CNBD1: variants seen among roughly 807,000 people sequenced by gnomAD.
The protein encoded by CNBD1 is cyclic nucleotide-binding domain-containing protein 1.
A neutral mutation model predicts 54.4 loss-of-function variants in CNBD1; 71 were observed. The observed-to-expected ratio is 1.30, with a 90% CI of 1.08 to 1.59. The LOEUF (loss-of-function observed/expected upper bound fraction) is 1.59. Ranked by LOEUF, CNBD1 falls within the 40% of genes most tolerant of loss-of-function variation. The pLI is 0.00. For missense variants in CNBD1, 659 were observed against 518.0 expected, an observed-to-expected ratio of 1.27 and a Z score of -2.64; for synonymous variants, 182 against 170.7, an observed-to-expected ratio of 1.07 and a Z score of -0.51.
chr8:87,358,016 T>C (rs960203370), intron 10 of CNBD1, among the ~76,000 whole-genome samples: 2 of 152,142 alleles, frequency 1.3e-5, no homozygotes, highest in African/African-American at 4.8e-5. Flanking sequence ...TCTTGCTCCC[T>C]CTCTCTCCAT....
intron 8 of CNBD1, among the ~76,000 whole-genome samples, chr8:87,323,745 C>G (rs1256865538): frequency 1.5e-5 from 2 of 129,964 alleles, no homozygotes; most frequent in African/African-American, 5.7e-5. Context: ...ATGTCATCTG[C>G]AAACAGGGAC....
At chr8:87,368,877 C>G (rs140881230) in intron 10 of CNBD1, among the ~76,000 whole-genome samples, 1 of 151,988 alleles carries the variant, frequency 6.6e-6, no homozygotes, top group East Asian at 2.0e-4. Flanking sequence ...ATGTGGCCAA[C>G]TGAAAATGCC....
At chr8:87,161,192 G>C (rs1004002003) in intron 4 of CNBD1, among the ~76,000 whole-genome samples, 6 of 152,048 alleles carry the variant, frequency 3.9e-5, no homozygotes, top group African/African-American at 9.7e-5. Flanking sequence ...GAGAATGACA[G>C]GTTACCTTCA....
At chr8:87,306,959 A>C (rs978109473) in intron 8 of CNBD1, among the ~76,000 whole-genome samples, 3 of 152,204 alleles carry the variant, frequency 2.0e-5, no homozygotes, top group Non-Finnish European at 4.4e-5. Flanking sequence ...ACAGAAAAAA[A>C]TGTACTCAAT....
At chr8:86,940,463 G>A (rs535594995) in intron 4 of CNBD1, among the ~76,000 whole-genome samples, 1 of 152,186 alleles carries the variant, frequency 6.6e-6, no homozygotes, top group East Asian at 1.9e-4. Context: ...TCCGCACCCG[G>A]CCCCATTCCT....
At chr8:87,258,192 A>G (rs1308854987) in intron 6 of CNBD1, among the ~76,000 whole-genome samples, 1 of 152,166 alleles carries the variant, frequency 6.6e-6, no homozygotes, top group African/African-American at 2.4e-5. Context: ...TGGGAGGCCT[A>G]TTAAATATGT....
intron 4 of CNBD1, among the ~76,000 whole-genome samples, chr8:87,204,242 C>T (rs913800900): frequency 6.6e-6 from 1 of 152,140 alleles, no homozygotes; most frequent in Non-Finnish European, 1.5e-5. Flanking sequence ...TTCTATGAGG[C>T]AGCAGCCAAA....
chr8:87,074,008 G>T (rs1810812795), intron 4 of CNBD1, among the ~76,000 whole-genome samples: 1 of 151,948 alleles, frequency 6.6e-6, no homozygotes, highest in Admixed American at 6.6e-5. Flanking sequence ...GGCTGAGGCA[G>T]GAGAATGGTG....
At chr8:87,424,253 G>T (rs1266317101) in intron 2 of CNBD1, among the ~76,000 whole-genome samples, 7 of 151,878 alleles carry the variant, frequency 4.6e-5, no homozygotes, top group Non-Finnish European at 1.0e-4. Context: ...TTTTTTGAAG[G>T]GTTTTTTGTG....
intron 4 of CNBD1, among the ~76,000 whole-genome samples, chr8:87,140,777 A>G (rs889968703): frequency 1.3e-5 from 2 of 152,176 alleles, no homozygotes; most frequent in Non-Finnish European, 2.9e-5. Flanking sequence ...AAACTTTAAT[A>G]AGAAAAAAAG....
At chr8:87,302,217 A>T (rs1044108069) in intron 8 of CNBD1, among the ~76,000 whole-genome samples, 3 of 152,248 alleles carry the variant, frequency 2.0e-5, no homozygotes, top group African/African-American at 7.2e-5. Flanking sequence ...ATCCCTGATG[A>T]ACATCGAAGC....
At chr8:87,376,131 T>A (rs1376556114) in intron 10 of CNBD1, among the ~76,000 whole-genome samples, 2 of 151,898 alleles carry the variant, frequency 1.3e-5, no homozygotes, top group Non-Finnish European at 2.9e-5. Context: ...AAAGGAAATA[T>A]AGTTTAGATG....
At chr8:87,350,783 G>A (rs755450022) in intron 8 of CNBD1, among the ~76,000 whole-genome samples, 3 of 151,772 alleles carry the variant, frequency 2.0e-5, no homozygotes, top group East Asian at 1.9e-4. Flanking sequence ...ATTTCATAAC[G>A]TAGAAAATAT....
At chr8:87,143,142 A>G (rs942326409) in intron 4 of CNBD1, among the ~76,000 whole-genome samples, 2 of 152,124 alleles carry the variant, frequency 1.3e-5, no homozygotes, top group African/African-American at 4.8e-5. Flanking sequence ...GAAACAGGCA[A>G]CTCAATTGAA....
intron 3 of CNBD1, among the ~76,000 whole-genome samples, chr8:86,908,999 G>T (rs1809060964): frequency 6.6e-6 from 1 of 152,056 alleles, no homozygotes; most frequent in Non-Finnish European, 1.5e-5. Context: ...CTCGTGATCT[G>T]CCCGCCTTGG....
At chr8:86,981,371 T>A (rs1808483996) in intron 4 of CNBD1, among the ~76,000 whole-genome samples, 1 of 152,156 alleles carries the variant, frequency 6.6e-6, no homozygotes, top group Non-Finnish European at 1.5e-5. Flanking sequence ...ATTTCTAGAG[T>A]TTTTAGTTTC....
At chr8:87,112,157 G>A (rs1251734365) in intron 4 of CNBD1, among the ~76,000 whole-genome samples, 2 of 152,074 alleles carry the variant, frequency 1.3e-5, no homozygotes, top group Admixed American at 1.3e-4. Flanking sequence ...TCCATCATCT[G>A]CCTGCTCACT....
intron 8 of CNBD1, among the ~76,000 whole-genome samples, chr8:87,347,649 T>C (rs1375072100): frequency 6.6e-6 from 1 of 152,124 alleles, no homozygotes; most frequent in Non-Finnish European, 1.5e-5. Context: ...AGATTTAAAG[T>C]TGGTAAGAAA....
At chr8:87,037,650 GTATT>G (rs1809978415) in intron 4 of CNBD1, among the ~76,000 whole-genome samples, 1 of 151,934 alleles carries the variant, frequency 6.6e-6, no homozygotes, top group Admixed American at 6.5e-5. Flanking sequence ...TGTTATCAAA[GTATT>G]TATTAGTGTC....
Sources: gnomAD v4.1 joint callset for allele counts (sites outside exome capture counted in the v4.1 genomes callset) on GRCh38, gnomAD v4.1.1 for gene constraint, MANE v1.5 for transcripts, NCBI Gene and HGNC (gene_info 2026-07-23, HGNC 2026-07-21) for gene names.